Variants in RALGPS1 observed in about 807,000 individuals in gnomAD.
RALGPS1 encodes the protein Ral GEF with PH domain and SH3 binding motif 1.
RALGPS1 carries 19 observed loss-of-function variants against 78.8 expected under a neutral mutation model. The ratio of observed to expected loss-of-function variants is 0.24; its 90% confidence interval spans 0.17 to 0.35. RALGPS1 has a LOEUF of 0.35. RALGPS1 is among the 10% of genes least tolerant of loss of function. The pLI is 1.00. For missense variants in RALGPS1, 454 were observed against 688.3 expected, an observed-to-expected ratio of 0.66 and a Z score of 3.81; for synonymous variants, 228 against 256.3, an observed-to-expected ratio of 0.89 and a Z score of 1.06.
chr9:126,951,976 A>G (rs570914093), intron 1 of RALGPS1, among the ~76,000 whole-genome samples: 1 of 152,366 alleles, frequency 6.6e-6, no homozygotes, highest in Admixed American at 6.5e-5. Flanking sequence ...GCAAAGTCTC[A>G]GGATACAAAA....
chr9:127,047,620 T>A (rs7470467), intron 5 of RALGPS1, among the ~76,000 whole-genome samples: 70,127 of 150,796 alleles, frequency 0.47, 16,876 homozygotes, highest in Non-Finnish European at 0.52. Context: ...AATCGCTTGA[T>A]CCCAGGTGGC....
In RALGPS1 at chr9:127,197,299, G is replaced by C. The variant is rs140477508; in HGVS notation, c.1195+668G>C. Reference sequence around the variant, plus strand: ...GTCCAGGTCAGCTGAGGACAGGTGGGCACCGCCCTGTTATTACTGCCGTCA... The same window carrying C: ...GTCCAGGTCAGCTGAGGACAGGTGGCCACCGCCCTGTTATTACTGCCGTCA... On this transcript the variant is annotated intron_variant, in intron 13 of 18. Coordinates refer to ENST00000259351, the MANE Select transcript of RALGPS1 (RefSeq NM_014636.3). Among the ~76,000 whole-genome samples, 995 of 152,274 alleles carry C rather than the reference G, an allele frequency of 6.5e-3. 14 individuals carry two copies. Among genetic ancestry groups the C allele is most frequent in the African/African-American group, 0.023 (958 of 41,542 alleles).
chr9:127,002,441 T>C (rs1343159967), intron 4 of RALGPS1, among the ~76,000 whole-genome samples: 1 of 136,606 alleles, frequency 7.3e-6, no homozygotes, highest in Admixed American at 7.2e-5. Context: ...TTCTTTTTTT[T>C]TTTTTTCTTT....
chr9:127,165,503 T>A (rs550487994), intron 8 of RALGPS1, among the ~76,000 whole-genome samples: 1 of 152,256 alleles, frequency 6.6e-6, no homozygotes, highest in Non-Finnish European at 1.5e-5. Context: ...TTATTTCACA[T>A]CTTATTTTCT....
chr9:126,947,322 G>A (rs1046507799), intron 1 of RALGPS1, among the ~76,000 whole-genome samples: 1 of 152,154 alleles, frequency 6.6e-6, no homozygotes, highest in African/African-American at 2.4e-5. Context: ...TACAGGATGA[G>A]CATCCCAACT....
chr9:127,149,083 T>A (rs933527648), intron 8 of RALGPS1, among the ~76,000 whole-genome samples: 17 of 152,228 alleles, frequency 1.1e-4, no homozygotes, highest in Non-Finnish European at 2.2e-4. Context: ...CCAGAGGAAC[T>A]GTTCTGGCCG....
chr9:126,936,844 G>C (rs536117130), intron 1 of RALGPS1, among the ~76,000 whole-genome samples: 3 of 148,612 alleles, frequency 2.0e-5, no homozygotes, highest in Admixed American at 6.8e-5. Context: ...GAACAGGAAC[G>C]GCACCTTTTT....
In RALGPS1 at chr9:127,133,073, C is replaced by T. The variant is rs2057118816; in HGVS notation, c.611-32996C>T. 4.6e-5 allele frequency among the ~76,000 whole-genome samples: 7 copies of T among 152,350 alleles called. No individual in the cohort carries two copies. In the South Asian group the frequency reaches 1.4e-3, roughly 32 times the overall value. Reference sequence around the variant, plus strand: ...ATAGAGTTCTCGTGACCATTGAGGACATGTACATGTTAGGTGCATGACTGC... The same window carrying T: ...ATAGAGTTCTCGTGACCATTGAGGATATGTACATGTTAGGTGCATGACTGC... On this transcript the variant is annotated intron_variant, in intron 8 of 18. Transcript: ENST00000259351.
At chr9:126,958,393 A>G (rs1273705864) in intron 1 of RALGPS1, among the ~76,000 whole-genome samples, 1 of 152,084 alleles carries the variant, frequency 6.6e-6, no homozygotes, top group East Asian at 1.9e-4. Flanking sequence ...GAACATTTCC[A>G]TCCCTCAGAA....
chr9:126,971,601 A>G (rs1291462848), intron 3 of RALGPS1, among the ~76,000 whole-genome samples: 2 of 152,210 alleles, frequency 1.3e-5, no homozygotes, highest in African/African-American at 4.8e-5. Context: ...AAGGACACAA[A>G]CAAACTGTTG....
chr9:127,201,463 GGCCTCCATCTCCATCCT>G (rs1458285214), intron 14 of RALGPS1, among the ~76,000 whole-genome samples: 1 of 152,204 alleles, frequency 6.6e-6, no homozygotes, highest in East Asian at 1.9e-4. Flanking sequence ...CTTGGCCACC[GGCCTCCATCTCCATCCT>G]GCACTGCTTC....
intron 8 of RALGPS1, among the ~76,000 whole-genome samples, chr9:127,123,126 C>T (rs994381926): frequency 6.6e-5 from 10 of 152,220 alleles, no homozygotes; most frequent in African/African-American, 2.2e-4. Flanking sequence ...GCAGCTCAGC[C>T]CAGAGCGCCT....
intron 1 of RALGPS1, among the ~76,000 whole-genome samples, chr9:126,926,568 G>T (rs2035299812): frequency 6.6e-6 from 1 of 152,174 alleles, no homozygotes; most frequent in Non-Finnish European, 1.5e-5. Context: ...TGGAGAGGTG[G>T]TTTGGGGTCA....
intron 4 of RALGPS1, among the ~76,000 whole-genome samples, chr9:126,987,434 T>C (rs2041905926): frequency 6.6e-6 from 1 of 152,140 alleles, no homozygotes; most frequent in South Asian, 2.1e-4. Flanking sequence ...AATACTACTT[T>C]TGGTGCCTGG....
In RALGPS1 at chr9:126,965,169, A is replaced by C. The variant is rs1421396169; in HGVS notation, c.58-675A>C. Among the ~76,000 whole-genome samples the C allele has an allele frequency of 2.0e-5, 3 of 152,208 alleles. No homozygotes were observed. The South Asian group carries it at 6.2e-4, about 32-fold the overall frequency. ...TACATGCAGGATGCAGAGCGTCCTT[A>C]GCACAAAGGACTCTACTAAATATAA... On this transcript the variant is annotated intron_variant, in intron 2 of 18. Transcript: ENST00000259351.
intron 11 of RALGPS1, among the ~76,000 whole-genome samples, chr9:127,182,368 T>TTCCTTCCTTCCTTCCTC (rs2060299088): frequency 1.5e-5 from 1 of 66,808 alleles, no homozygotes; most frequent in African/African-American, 6.3e-5. Flanking sequence ...CTTCCTTCCT[T>TTCCTTCCTTCCTTCCTC]CCTCCCTCCC....
rs1015366825 is a variant in RALGPS1, at chr9:126,956,916, G to A, written c.-65-5309G>A. On this transcript the variant is annotated intron_variant, in intron 1 of 18. Coordinates refer to ENST00000259351, the MANE Select transcript of RALGPS1 (RefSeq NM_014636.3). ...ACGTTTCCTCATCCAGTGCTCACCC[G>A]GACTCTTGCAAGAGGCAGTGTCAGG... Among the ~76,000 whole-genome samples the A allele has an allele frequency of 3.3e-5, 5 of 152,120 alleles. No homozygotes were observed. In the South Asian group the frequency reaches 8.3e-4, roughly 25 times the overall value.
chr9:126,964,808 G>A (rs1312353663), intron 2 of RALGPS1, among the ~76,000 whole-genome samples: 1 of 152,120 alleles, frequency 6.6e-6, no homozygotes, highest in Non-Finnish European at 1.5e-5. Context: ...TGGCCTAAAA[G>A]CACTCTAGTT....
chr9:127,210,904 G>A, intron 14 of RALGPS1: 1 of 789,704 alleles, frequency 1.3e-6, no homozygotes, highest in East Asian at 2.9e-5. Flanking sequence ...TGAGTCTACT[G>A]CCAGGTGCAC....
Sources: gnomAD v4.1 joint callset for allele counts (sites outside exome capture counted in the v4.1 genomes callset) on GRCh38, gnomAD v4.1.1 for gene constraint, MANE v1.5 for transcripts, NCBI Gene and HGNC (gene_info 2026-07-23, HGNC 2026-07-21) for gene names.